Variants in STX16 observed in about 807,000 individuals in gnomAD.
STX16 encodes the protein syntaxin 16, also known as syntaxin-16.
In STX16, 28 loss-of-function variants were observed where a neutral mutation model predicts 42.7. The observed-to-expected ratio is 0.66, with a 90% CI of 0.49 to 0.90. The LOEUF (loss-of-function observed/expected upper bound fraction) is 0.90, where lower values mean the gene tolerates loss of function less well. Among genes scored for constraint, STX16 ranks in the 40% least tolerant of loss-of-function variants. The pLI, the probability that STX16 is intolerant of heterozygous loss-of-function variation, is 0.00. For missense variants in STX16, 361 were observed against 420.9 expected, an observed-to-expected ratio of 0.86 and a Z score of 1.24; for synonymous variants, 156 against 155.2, an observed-to-expected ratio of 1.00 and a Z score of -0.04.
intron 1 of STX16, among the ~76,000 whole-genome samples, chr20:58,655,808 T>C (rs968934195): frequency 1.3e-4 from 20 of 152,324 alleles, no homozygotes; most frequent in South Asian, 2.1e-4. Context: ...AAATGATGTT[T>C]AGTTTTTCTG....
chr20:58,677,686 A>AAACTTT lies in STX16; in HGVS notation c.*1395_*1396insAACTTT, dbSNP rs1226669143. 6.6e-6 allele frequency: 1 copy of AAACTTT among 152,216 alleles called. No individual in the cohort carries two copies. The highest frequency in any genetic ancestry group is 1.5e-5 in the Non-Finnish European group (1 of 68,036). The allele number at this position is 152,216 out of a possible 1,614,324, so 9.4% of individuals were successfully genotyped here. A position where few individuals can be genotyped will look rare whatever the true frequency, so the allele number is the denominator to read the frequency against. ...AAAAGTTTAAGAAGAATATGACCTC[A>AAACTTT]TTAAATGTGCTGTTTTATTTGGACC... On this transcript the variant is annotated 3_prime_UTR_variant, in exon 9 of 9. Transcript: ENST00000371141.
At chr20:58,665,649 T>A (rs1279087274) in intron 2 of STX16, among the ~76,000 whole-genome samples, 1 of 152,140 alleles carries the variant, frequency 6.6e-6, no homozygotes, top group East Asian at 1.9e-4. Context: ...AAACAGAAGG[T>A]AGTGGTGGTG....
rs2083461736 is a variant in STX16, at chr20:58,651,789, G to C, written c.-218G>C. 2 of 535,516 alleles carry C rather than the reference G, an allele frequency of 3.7e-6. No individual in the cohort carries two copies. Among genetic ancestry groups the C allele is most frequent in the Admixed American group, 6.3e-5 (2 of 31,532 alleles). 33.2% of individuals were successfully genotyped at this position (535,516 alleles called of 1,614,324 possible). ...AGAGATCGAAGTCTGCCCTGGGTAG[G>C]GGGAGTCAGACAATTGGAAAGCCTA... On this transcript the variant is annotated 5_prime_UTR_variant, in exon 1 of 9. Coordinates refer to ENST00000371141, the MANE Select transcript of STX16 (RefSeq NM_001001433.3).
Position 58,659,649 on chromosome 20 carries a change from A to G in STX16, c.144+15A>G, listed in dbSNP as rs2083654187. On this transcript the variant is annotated intron_variant, in intron 2 of 8. Coordinates refer to ENST00000371141, the MANE Select transcript of STX16 (RefSeq NM_001001433.3). ...AGCTGGACGAGGTATTGTGTTTTGA[A>G]TATTTTTATATGTTGGGTAATTTGA... The G allele has an allele frequency of 1.2e-6, 2 of 1,612,414 alleles. No homozygotes were observed. Among genetic ancestry groups the G allele is most frequent in the Non-Finnish European group, 1.7e-6 (2 of 1,179,532 alleles).
At chr20:58,656,904 C>G (rs1600995776) in intron 1 of STX16, among the ~76,000 whole-genome samples, 1 of 152,182 alleles carries the variant, frequency 6.6e-6, no homozygotes, top group African/African-American at 2.4e-5. Context: ...CAAATAAGTA[C>G]TATTGTTTTT....
At chr20:58,668,284 G>A (rs1307195766) in intron 4 of STX16, among the ~76,000 whole-genome samples, 157 bp downstream of exon 4, 6 of 152,212 alleles carry the variant, frequency 3.9e-5, no homozygotes, top group Non-Finnish European at 7.3e-5. Context: ...AGCTGTCAGC[G>A]TAGGTACCTG....
At chr20:58,654,414 T>G (rs1330098380) in intron 1 of STX16, among the ~76,000 whole-genome samples, 2 of 152,234 alleles carry the variant, frequency 1.3e-5, no homozygotes, top group Admixed American at 6.5e-5. Flanking sequence ...AAGTGTTACA[T>G]CTTCACTTTG....
intron 1 of STX16, among the ~76,000 whole-genome samples, chr20:58,653,930 A>G (rs944757931): frequency 5.3e-5 from 8 of 151,916 alleles, no homozygotes; most frequent in Admixed American, 2.0e-4. Context: ...TTAAAAGTGC[A>G]TCTCTGAATC....
rs754033649 is a variant in STX16 at position 58,659,447 on chromosome 20, T to TA, written c.133-164dup. 2.9e-3 allele frequency among the ~76,000 whole-genome samples: 416 copies of TA among 144,818 alleles called. 2 individuals carry two copies. Among genetic ancestry groups the TA allele is most frequent in the Non-Finnish European group, 4.2e-3 (273 of 65,414 alleles). On this transcript the variant is annotated intron_variant, in intron 1 of 8. Coordinates refer to ENST00000371141, the MANE Select transcript of STX16 (RefSeq NM_001001433.3). ...AAGCATATATTGATGTAGCTTAATT[T>TA]AAAAAAAAAAAAGGAGATTTTAAAA...
chr20:58,674,627 C>T (rs1319554822), intron 8 of STX16, among the ~76,000 whole-genome samples: 1 of 152,144 alleles, frequency 6.6e-6, no homozygotes, highest in Non-Finnish European at 1.5e-5. Context: ...ACCAGAAGCC[C>T]TGAGCTGTCT....
intron 2 of STX16, among the ~76,000 whole-genome samples, chr20:58,661,555 T>C (rs2083699860): frequency 6.6e-6 from 1 of 152,258 alleles, no homozygotes; most frequent in Admixed American, 6.5e-5. Flanking sequence ...CTTGCCTCTT[T>C]TGCTCTTTTG....
At position 58,669,398 on chromosome 20, in the gene STX16, G is replaced by C. The variant is rs150780232; in HGVS notation, c.501G>C (p.Gln167His). The C allele has an allele frequency of 3.1e-6, 5 of 1,612,424 alleles. No homozygotes were observed. In the African/African-American group the frequency reaches 6.7e-5, roughly 22 times the overall value. ...GGAACGTGGTGGCCTCGCTGGCGCA[G>C]GCCCTGCAGGAACTCTCCACCAGCT... is the stretch of plus-strand genomic sequence containing the variant. ...LLGNVVASLA[Q>H]ALQELSTSFR... The change falls in exon 5 of 9, where the codon CAG (glutamine) becomes CAC (histidine). Residue 167 changes from glutamine to histidine, a missense_variant. Transcript: ENST00000371141.
At chr20:58,664,217 G>C (rs896064869) in intron 2 of STX16, among the ~76,000 whole-genome samples, 1 of 152,266 alleles carries the variant, frequency 6.6e-6, no homozygotes, top group South Asian at 2.1e-4. Context: ...GTCCATATTT[G>C]TTCCCATTTC....
Position 58,667,439 on chromosome 20 carries a change from A to G in STX16, c.145-51A>G, listed in dbSNP as rs770475791. 3 of 1,409,400 alleles carry G rather than the reference A, an allele frequency of 2.1e-6. No individual in the cohort carries two copies. The East Asian group carries it at 6.9e-5, about 32-fold the overall frequency. 87.3% of individuals were successfully genotyped at this position (1,409,400 alleles called of 1,614,324 possible). ...TTTAAGAGAGAGTAAGAGTATTTGT[A>G]TCTAAATTGGATTAGAATAATTTTT... is the stretch of plus-strand genomic sequence containing the variant. On this transcript the variant is annotated intron_variant, in intron 2 of 8. Coordinates refer to ENST00000371141, the MANE Select transcript of STX16 (RefSeq NM_001001433.3).
intron 2 of STX16, among the ~76,000 whole-genome samples, chr20:58,666,506 G>T (rs551681485): frequency 5.4e-5 from 8 of 146,992 alleles, no homozygotes; most frequent in Admixed American, 2.8e-4. Flanking sequence ...ATGGCTCACT[G>T]CGACCTTCGC....
intron 6 of STX16, 133 bp from the exon 7 acceptor site, chr20:58,671,021 T>C: frequency 1.0e-6 from 1 of 977,778 alleles, no homozygotes; most frequent in Non-Finnish European, 1.4e-6. Context: ...TTACTGTGCT[T>C]TGTAGAAATA....
At chr20:58,675,719 T>G (rs1163709143) in intron 8 of STX16, among the ~76,000 whole-genome samples, 1 of 152,214 alleles carries the variant, frequency 6.6e-6, no homozygotes, top group Non-Finnish European at 1.5e-5. Flanking sequence ...AAATGGGGCC[T>G]CTTCCGGGTG....
intron 1 of STX16, 59 bp downstream of exon 1, chr20:58,652,197 TTGTCTGTCTC>T (rs1568808535): frequency 5.6e-6 from 9 of 1,605,690 alleles, no homozygotes; most frequent in East Asian, 2.2e-5. Flanking sequence ...CTCTGCCTGT[TTGTCTGTCTC>T]TGTCTGTCTC....
chr20:58,667,075 G>GTT, intron 2 of STX16: 42 of 278,124 alleles, frequency 1.5e-4, no homozygotes, highest in Middle Eastern at 1.3e-3. Context: ...TTACTGCCTA[G>GTT]TTTTTTTTTT....
Sources: allele counts gnomAD v4.1 joint callset (sites outside exome capture counted in the v4.1 genomes callset), GRCh38; gene constraint gnomAD v4.1.1; transcripts MANE v1.5; gene names NCBI Gene and HGNC (gene_info 2026-07-23, HGNC 2026-07-21).